KCNK9: variants seen among roughly 807,000 people sequenced by gnomAD.
KCNK9 encodes potassium channel subfamily K member 9.
In KCNK9, 1 loss-of-function variant was observed where a neutral mutation model predicts 10.8. The observed-to-expected ratio is 0.09, with a 90% CI of 0.03 to 0.44. The LOEUF is 0.44. Among genes scored for constraint, KCNK9 ranks in the 20% least tolerant of loss-of-function variants. The probability of loss-of-function intolerance (pLI) is 0.97; values close to 1 mark genes in which losing one functional copy is unlikely to be tolerated. For missense variants in KCNK9, 303 were observed against 515.0 expected (o/e 0.59, Z 3.98); for synonymous variants, 231 against 222.7 (o/e 1.04, Z -0.33).
Position 139,618,633 on chromosome 8 carries a change from G to A in KCNK9, c.750C>T (p.Asn250=), listed in dbSNP as rs754888995. 4 of 1,614,200 alleles carry A rather than the reference G, an allele frequency of 2.5e-6. No individual in the cohort carries two copies. The highest frequency in any genetic ancestry group is 3.4e-6 in the Non-Finnish European group (4 of 1,180,040). ...NLVVLRFLTM[N]SEDERRDAEE... ...CAGCATCCCGCCGCTCATCCTCACT[G>A]TTCATGGTCAAGAACCTGAGGACGA... Residue 250 remains asparagine (N), a synonymous_variant, in exon 2 of 2, where the codon AAC becomes AAT. Coordinates refer to ENST00000520439, the MANE Select transcript of KCNK9 (RefSeq NM_001282534.2). The surrounding 1 kb of genome is among the most constrained non-coding windows in gnomAD (Gnocchi z 7.9).
At chr8:139,668,258 A>T (rs2129726236) in intron 1 of KCNK9, among the ~76,000 whole-genome samples, 1 of 152,284 alleles carries the variant, frequency 6.6e-6, no homozygotes, top group East Asian at 1.9e-4. Flanking sequence ...TGATGAAGTG[A>T]TCTGTACAAC....
chr8:139,703,085 C>G lies in KCNK9; in HGVS notation c.-93G>C. 8.6e-7 allele frequency: 1 copy of G among 1,163,110 alleles called. No individual in the cohort carries two copies. The highest frequency in any genetic ancestry group is 1.6e-5 in the African/African-American group (1 of 62,000). The allele number at this position is 1,163,110 out of a possible 1,614,324, so 72.0% of individuals were successfully genotyped here. The stretch of plus-strand genomic sequence containing the variant: ...AGCGCCCGGCGGCCGCCGCCGCCTC[C>G]TCCTCCGCCGCCGCCGCCGCCGCCT... On this transcript the variant is annotated 5_prime_UTR_variant, in exon 1 of 2. Transcript: ENST00000520439. The surrounding 1 kb of genome is among the most constrained non-coding windows in gnomAD (Gnocchi z 6.4).
chr8:139,689,011 G>A (rs897163088), intron 1 of KCNK9, among the ~76,000 whole-genome samples: 3 of 152,094 alleles, frequency 2.0e-5, no homozygotes, highest in Non-Finnish European at 4.4e-5. Flanking sequence ...GGCCCCTCGT[G>A]TGAGCCCTAA....
At chr8:139,682,859 C>G (rs2129769325) in intron 1 of KCNK9, among the ~76,000 whole-genome samples, 1 of 148,506 alleles carries the variant, frequency 6.7e-6, no homozygotes, top group African/African-American at 2.4e-5. Flanking sequence ...AAAACAAATG[C>G]TTAGGTCATC....
downstream of KCNK9, among the ~76,000 whole-genome samples, chr8:139,614,231 G>T (rs191842458): frequency 1.5e-3 from 230 of 152,304 alleles, 2 homozygotes; most frequent in African/African-American, 5.4e-3. Flanking sequence ...AGCTTCTCAT[G>T]CTGTCCCAAT....
At chr8:139,644,234 G>A (rs563537087) in intron 1 of KCNK9, among the ~76,000 whole-genome samples, 2 of 152,288 alleles carry the variant, frequency 1.3e-5, no homozygotes, top group East Asian at 1.9e-4. Flanking sequence ...ACACAGACAG[G>A]CTGAACCTGA....
At chr8:139,701,372 A>T (rs2129824798) in intron 1 of KCNK9, among the ~76,000 whole-genome samples, 1 of 152,366 alleles carries the variant, frequency 6.6e-6, no homozygotes, top group South Asian at 2.1e-4. Context: ...AAGTATTTTC[A>T]ACCAAGAAGG....
chr8:139,662,069 C>T (rs1256934632), intron 1 of KCNK9, among the ~76,000 whole-genome samples: 2 of 152,226 alleles, frequency 1.3e-5, no homozygotes, highest in Admixed American at 1.3e-4. Flanking sequence ...CTTCACTGAA[C>T]TTCCCCAGCG....
intron 1 of KCNK9, among the ~76,000 whole-genome samples, chr8:139,662,877 G>A (rs1253070362): frequency 1.3e-5 from 2 of 150,252 alleles, no homozygotes; most frequent in African/African-American, 2.5e-5. Context: ...GGGGGAAGGG[G>A]GGGGGGCTGG....
At position 139,633,081 on chromosome 8, in the gene KCNK9, G is replaced by A. The variant is rs191023941; in HGVS notation, c.284-13982C>T. Among the ~76,000 whole-genome samples the A allele has an allele frequency of 1.3e-4, 20 of 152,258 alleles. 1 individual carries two copies. The highest frequency in any genetic ancestry group is 6.5e-4 in the Admixed American group (10 of 15,296). ...GCGATCTGGCAGGGTGCAGCCTGCC[G>A]TGTGACGCTGACAGGCCATGTGCAC... On this transcript the variant is annotated intron_variant, in intron 1 of 1. Coordinates refer to ENST00000520439, the MANE Select transcript of KCNK9 (RefSeq NM_001282534.2).
At chr8:139,641,613 C>T (rs1344650260) in intron 1 of KCNK9, among the ~76,000 whole-genome samples, 4 of 118,684 alleles carry the variant, frequency 3.4e-5, no homozygotes, top group African/African-American at 1.3e-4. Context: ...TCCCGCTCTG[C>T]CCCAGCGCTC....
chr8:139,695,502 C>T (rs76592383), intron 1 of KCNK9, among the ~76,000 whole-genome samples: 1,846 of 152,302 alleles, frequency 0.012, 38 homozygotes, highest in African/African-American at 0.04. Flanking sequence ...ATAAGCTACA[C>T]GGTGAGTGCA....
chr8:139,624,376 C>T (rs1814897159), intron 1 of KCNK9, among the ~76,000 whole-genome samples: 1 of 152,184 alleles, frequency 6.6e-6, no homozygotes, highest in Admixed American at 6.5e-5. Flanking sequence ...CACCATCCTT[C>T]CCAAGATTCC....
At chr8:139,677,771 A>AGCCCC (rs1816590206) in intron 1 of KCNK9, among the ~76,000 whole-genome samples, 3 of 146,052 alleles carry the variant, frequency 2.1e-5, no homozygotes, top group African/African-American at 8.3e-5. Context: ...ATCTGATCCC[A>AGCCCC]ATGTGTCCCC....
In KCNK9 at chr8:139,680,338, C is replaced by G. The variant is rs1289159749; in HGVS notation, c.283+22372G>C. On this transcript the variant is annotated intron_variant, in intron 1 of 1. Transcript: ENST00000520439. The stretch of plus-strand genomic sequence containing the variant: ...GAGGCTCACTTTCCACCTCCCCACC[C>G]GGATCTGCCCCTTCACCTTCCCCAG... 2.0e-5 allele frequency among the ~76,000 whole-genome samples: 3 copies of G among 152,174 alleles called. No homozygotes were observed. In the South Asian group the frequency reaches 6.2e-4, roughly 31 times the overall value.
At chr8:139,630,720 A>G (rs1815140092) in intron 1 of KCNK9, among the ~76,000 whole-genome samples, 1 of 152,216 alleles carries the variant, frequency 6.6e-6, no homozygotes, top group African/African-American at 2.4e-5. Context: ...CTCCTATGAA[A>G]GGGCCACACA....
At chr8:139,655,217 A>G (rs1815987498) in intron 1 of KCNK9, among the ~76,000 whole-genome samples, 2 of 152,084 alleles carry the variant, frequency 1.3e-5, no homozygotes. Flanking sequence ...AAGAAGCCTG[A>G]CAGTCCATCT....
At chr8:139,681,832 T>G (rs184834864) in intron 1 of KCNK9, among the ~76,000 whole-genome samples, 96 of 152,342 alleles carry the variant, frequency 6.3e-4, no homozygotes, top group African/African-American at 2.2e-3. Context: ...GACACTGCTA[T>G]TTAACCAACC....
chr8:139,651,388 C>T (rs1478152291), intron 1 of KCNK9, among the ~76,000 whole-genome samples: 2 of 152,236 alleles, frequency 1.3e-5, no homozygotes, highest in East Asian at 3.8e-4. Flanking sequence ...ACGGCAACCA[C>T]ACCTGGCCAC....
Sources: gnomAD v4.1 joint callset for allele counts (sites outside exome capture counted in the v4.1 genomes callset) on GRCh38, gnomAD v4.1.1 for gene constraint, Gnocchi (gnomAD v3.1) non-coding constraint, MANE v1.5 for transcripts, NCBI Gene and HGNC (gene_info 2026-07-23, HGNC 2026-07-21) for gene names.